Variants in KCNQ5 observed in about 807,000 individuals in gnomAD.
The protein encoded by KCNQ5 is potassium voltage-gated channel subfamily Q member 5, also known as potassium voltage-gated channel subfamily KQT member 5.
A neutral mutation model predicts 98.2 loss-of-function variants in KCNQ5; 30 were observed. The ratio of observed to expected loss-of-function variants is 0.31; its 90% CI spans 0.23 to 0.41. The LOEUF is 0.41. KCNQ5 is among the 10% of genes least tolerant of loss of function. KCNQ5 has a pLI of 1.00. For synonymous variants in KCNQ5, 458 were observed against 449.4 expected (o/e 1.02, Z -0.24); for missense variants, 835 against 1,182.5 (o/e 0.71, Z 4.31).
intron 1 of KCNQ5, among the ~76,000 whole-genome samples, chr6:72,789,923 C>T (rs542744387): frequency 2.0e-5 from 3 of 152,146 alleles, no homozygotes; most frequent in African/African-American, 7.2e-5. Flanking sequence ...AATGCACTTA[C>T]GTTTCACAAA....
chr6:72,873,938 C>A (rs1778309482), intron 1 of KCNQ5, among the ~76,000 whole-genome samples: 1 of 151,818 alleles, frequency 6.6e-6, no homozygotes. Flanking sequence ...CTGTATAAAC[C>A]ATTACACTCA....
chr6:72,894,559 G>A (rs947070553), intron 1 of KCNQ5, among the ~76,000 whole-genome samples: 3 of 152,200 alleles, frequency 2.0e-5, no homozygotes, highest in African/African-American at 7.2e-5. Context: ...ACTAAGAGGT[G>A]AAGAAAATTA....
intron 1 of KCNQ5, among the ~76,000 whole-genome samples, chr6:72,842,551 A>G (rs1240214119): frequency 6.6e-6 from 1 of 152,138 alleles, no homozygotes; most frequent in Non-Finnish European, 1.5e-5. Flanking sequence ...ATTCACACCC[A>G]TCTGACTCTT....
At chr6:72,782,285 A>G (rs1773520475) in intron 1 of KCNQ5, among the ~76,000 whole-genome samples, 1 of 152,102 alleles carries the variant, frequency 6.6e-6, no homozygotes, top group Non-Finnish European at 1.5e-5. Context: ...GCTTTCAGGT[A>G]CATCCTGATG....
intron 1 of KCNQ5, among the ~76,000 whole-genome samples, chr6:72,709,188 C>A (rs1769236706): frequency 1.3e-5 from 2 of 152,152 alleles, no homozygotes; most frequent in Admixed American, 6.5e-5. Context: ...ATGAAACATG[C>A]ATAGGAAATA....
At chr6:72,744,708 G>A (rs1214891025) in intron 1 of KCNQ5, among the ~76,000 whole-genome samples, 8 of 152,034 alleles carry the variant, frequency 5.3e-5, no homozygotes, top group African/African-American at 1.9e-4. Flanking sequence ...CTGCTTGGGA[G>A]GCTGAGGCAG....
chr6:72,756,958 T>C (rs935349801), intron 1 of KCNQ5, among the ~76,000 whole-genome samples: 1 of 152,116 alleles, frequency 6.6e-6, no homozygotes, highest in Admixed American at 6.6e-5. Flanking sequence ...AATTCTTAAG[T>C]ATAATTAAAT....
chr6:73,184,343 G>T (rs1339339625), intron 11 of KCNQ5, among the ~76,000 whole-genome samples: 1 of 152,170 alleles, frequency 6.6e-6, no homozygotes, highest in East Asian at 1.9e-4. Context: ...TTGAATGAGT[G>T]AACATTTCTT....
chr6:72,700,867 G>T (rs77343543), intron 1 of KCNQ5, among the ~76,000 whole-genome samples: 5,459 of 152,240 alleles, frequency 0.036, 122 homozygotes, highest in Middle Eastern at 0.13. Context: ...CTAAGCCTCT[G>T]TGGAGGTTTT....
intron 10 of KCNQ5, among the ~76,000 whole-genome samples, chr6:73,155,344 A>G (rs1279241650): frequency 6.6e-6 from 1 of 152,252 alleles, no homozygotes; most frequent in Non-Finnish European, 1.5e-5. Context: ...TTAGTGCCCC[A>G]TGCATATTAT....
chr6:72,906,734 A>C (rs1227610051), intron 1 of KCNQ5, among the ~76,000 whole-genome samples: 1 of 152,212 alleles, frequency 6.6e-6, no homozygotes, highest in Non-Finnish European at 1.5e-5. Context: ...ATTTGGGCAC[A>C]CACGGTATTT....
Position 73,177,912 on chromosome 6 carries a change from T to A in KCNQ5, c.1577+8058T>A, listed in dbSNP as rs553770410. ...TGGCTACATTTGCTCCGAGGCTGTG[T>A]TAAAGTAGTGTTTTCACTGAAGATG... On this transcript the variant is annotated intron_variant, in intron 11 of 13. Coordinates refer to ENST00000370398, the MANE Select transcript of KCNQ5 (RefSeq NM_019842.4). 2.0e-5 allele frequency among the ~76,000 whole-genome samples: 3 copies of A among 152,242 alleles called. No homozygotes were observed. The South Asian group carries it at 6.2e-4, about 32-fold the overall frequency.
At chr6:72,837,455 A>G (rs1164774325) in intron 1 of KCNQ5, among the ~76,000 whole-genome samples, 1 of 152,138 alleles carries the variant, frequency 6.6e-6, no homozygotes, top group Non-Finnish European at 1.5e-5. Flanking sequence ...CTTTGTATGT[A>G]ACACCTGTAC....
Position 72,873,703 on chromosome 6 carries a change from A to T in KCNQ5, c.399-130205A>T, listed in dbSNP as rs117282996. ...TACATTTCCAGAGCATCTCAATAGG[A>T]GTAGTGTTTTTCGTACATTAAAAAT... On this transcript the variant is annotated intron_variant, in intron 1 of 13. Transcript: ENST00000370398. Among the ~76,000 whole-genome samples, 710 of 152,222 alleles carry T rather than the reference A, an allele frequency of 4.7e-3. 4 individuals are homozygous for T. Among genetic ancestry groups the T allele is most frequent in the Non-Finnish European group, 6.6e-3 (451 of 67,972 alleles).
chr6:72,792,312 C>T (rs888284346), intron 1 of KCNQ5, among the ~76,000 whole-genome samples: 1 of 152,104 alleles, frequency 6.6e-6, no homozygotes, highest in Non-Finnish European at 1.5e-5. Context: ...GTTCAAGCTT[C>T]TTGTTTTTTC....
At chr6:72,663,123 AC>A (rs1231387632) in intron 1 of KCNQ5, among the ~76,000 whole-genome samples, 2 of 151,938 alleles carry the variant, frequency 1.3e-5, no homozygotes, top group Non-Finnish European at 2.9e-5. Flanking sequence ...AACATTACAC[AC>A]CGGGGACTGT....
chr6:72,985,264 C>T (rs555491809), intron 1 of KCNQ5, among the ~76,000 whole-genome samples: 2 of 152,262 alleles, frequency 1.3e-5, no homozygotes, highest in South Asian at 4.1e-4. Context: ...ATCTTGTTCA[C>T]CCAGAAATTC....
At chr6:73,135,860 C>T (rs991419569) in intron 10 of KCNQ5, 2 of 152,142 alleles carry the variant, frequency 1.3e-5, no homozygotes, top group Non-Finnish European at 2.9e-5. Context: ...TGGTCTTCTC[C>T]CTGAGTCTTT....
At chr6:73,129,926 C>T in intron 9 of KCNQ5, 1 of 1,132,902 alleles carries the variant, frequency 8.8e-7, no homozygotes. Flanking sequence ...GTTACACCGC[C>T]ACCCCACCTG....
Sources: allele counts gnomAD v4.1 joint callset (sites outside exome capture counted in the v4.1 genomes callset), GRCh38; gene constraint gnomAD v4.1.1; transcripts MANE v1.5; gene names NCBI Gene and HGNC (gene_info 2026-07-23, HGNC 2026-07-21).